Variants in ZNF256 observed in about 807,000 individuals in gnomAD.
ZNF256 encodes the protein zinc finger protein 256.
Under a neutral mutation model 7.9 loss-of-function variants are expected in ZNF256, and 4 were observed. That is an observed-to-expected ratio of 0.50 (90% CI 0.25 to 1.15). The LOEUF is 1.15. ZNF256 is among the 50% of genes most tolerant of loss of function. The pLI is 0.15. For missense variants in ZNF256, 666 were observed against 755.9 expected, an observed-to-expected ratio of 0.88 and a Z score of 1.39; for synonymous variants, 260 against 260.4, an observed-to-expected ratio of 1.00 and a Z score of 0.02.
intron 1 of ZNF256, among the ~76,000 whole-genome samples, chr19:57,944,635 T>C (rs2072754022): frequency 6.6e-6 from 1 of 152,050 alleles, no homozygotes; most frequent in Admixed American, 6.5e-5. Flanking sequence ...CCATCCTGGC[T>C]AACAGGGTGA....
chr19:57,941,299 G>A lies in ZNF256; in HGVS notation c.1509C>T (p.Ser503=). 6.2e-7 allele frequency: 1 copy of A among 1,612,990 alleles called. No homozygotes were observed. The change falls in exon 3 of 3, where the codon AGC becomes AGT. Residue 503 remains serine (S), a synonymous_variant. Transcript: ENST00000282308. ...CGECGKSFTH[S]STLLQHQRVH... ...CTCTCTGGTGTTGAAGGAGCGTAGA[G>A]CTATGAGTAAATGATTTCCCACACT...
Position 57,941,785 on chromosome 19 carries a change from G to T in ZNF256, c.1023C>A (p.His341Gln). ...SFSHSSSLIT[H>Q]QRIHTGMRPY... ...GCCTCATTCCAGTATGAATTCTCTG[G>T]TGTGTAATGAGGCTAGAGCTATGGC... is the stretch of plus-strand genomic sequence containing the variant. Residue 341 changes from histidine to glutamine, a missense_variant, in exon 3 of 3, where the codon CAC becomes CAA. Transcript: ENST00000282308. The T allele has an allele frequency of 1.2e-6, 2 of 1,613,956 alleles. No individual in the cohort carries two copies. Among genetic ancestry groups the T allele is most frequent in the Middle Eastern group, 1.6e-4 (1 of 6,062 alleles).
intron 1 of ZNF256, among the ~76,000 whole-genome samples, chr19:57,945,088 G>C (rs1311364591): frequency 6.6e-6 from 1 of 151,750 alleles, no homozygotes; most frequent in Admixed American, 6.6e-5. Flanking sequence ...GTAGAGAAGG[G>C]GTTTCACCGT....
At chr19:57,942,694 G>A in intron 2 of ZNF256, 47 bp from the exon 3 acceptor site, 1 of 1,580,458 alleles carries the variant, frequency 6.3e-7, no homozygotes, top group Non-Finnish European at 8.6e-7. Flanking sequence ...CTTTAGTGGA[G>A]TGGAGGTAGC....
Position 57,941,613 on chromosome 19 carries a change from T to A in ZNF256, c.1195A>T (p.Arg399Ter), listed in dbSNP as rs1480238800. 3 of 1,613,988 alleles carry A rather than the reference T, an allele frequency of 1.9e-6. No individual in the cohort carries two copies. Among genetic ancestry groups the A allele is most frequent in the Non-Finnish European group, 2.5e-6 (3 of 1,180,026 alleles). ...SQSCHLIKHR[R>*]LHIGEGPYEC... The stretch of plus-strand genomic sequence containing the variant: ...TAAGGCCCTTCTCCAATGTGAAGTC[T>A]CCGGTGTTTAATGAGGTGACAGCTC... The change falls in exon 3 of 3, where the codon AGA becomes TGA. Residue 399 changes from arginine to a stop codon, truncating the protein, a stop_gained. Transcript: ENST00000282308. LOFTEE classifies it low-confidence loss of function (END_TRUNC).
In ZNF256 at chr19:57,941,136, T is replaced by C. The variant is rs1163138537; in HGVS notation, c.1672A>G (p.Asn558Asp). 1 of 1,614,062 alleles carries C rather than the reference T, an allele frequency of 6.2e-7. No individual in the cohort carries two copies. The highest frequency in any genetic ancestry group is 1.1e-5 in the South Asian group (1 of 91,076). ...CGGTGTTTAACGAGGCTAGAGTGGT[T>C]ACTAAAGGATTTCCAACACTCACTG... ...ECSECWKSFS[N>D]HSSLVKHRRV... The change falls in exon 3 of 3, where the codon AAC (asparagine) becomes GAC (aspartate). Residue 558 changes from asparagine (N) to aspartate (D), a missense_variant. Physicochemically the swap from Asn to Asp is conservative, Grantham distance 23. Coordinates refer to ENST00000282308, the MANE Select transcript of ZNF256 (RefSeq NM_005773.3).
chr19:57,944,222 G>A (rs1290012976), intron 1 of ZNF256, among the ~76,000 whole-genome samples, 162 bp from the exon 2 acceptor site: 2 of 152,180 alleles, frequency 1.3e-5, no homozygotes, highest in Non-Finnish European at 2.9e-5. Flanking sequence ...CTCCTAATGG[G>A]GCTCTTGGTC....
In ZNF256 at chr19:57,941,214, A is replaced by T. The variant is rs774989147; in HGVS notation, c.1594T>A (p.Ser532Thr). The change falls in exon 3 of 3, where the codon TCC (serine) becomes ACC (threonine). Residue 532 changes from serine (S) to threonine (T), a missense_variant. By Grantham distance (58) the Ser-to-Thr change is moderately conservative. Transcript: ENST00000282308. ...CTTCTCCTATGTCTAATGAGGCTGG[A>T]GCTCTGGCTAAAAAACTTCCCACAT... ...NECGKFFSQS[S>T]SLIRHRRSHT... 6.2e-7 allele frequency: 1 copy of T among 1,613,752 alleles called. No individual in the cohort carries two copies.
At chr19:57,943,808 A>G (rs1439133186) in intron 2 of ZNF256, 126 bp downstream of exon 2, 1 of 1,293,632 alleles carries the variant, frequency 7.7e-7, no homozygotes, top group Admixed American at 2.3e-5. Flanking sequence ...AGCCCTACCA[A>G]CCGCAGCACC....
At chr19:57,946,793 C>T (rs77732125) in intron 1 of ZNF256, among the ~76,000 whole-genome samples, 2,678 of 152,332 alleles carry the variant, frequency 0.018, 74 homozygotes, top group African/African-American at 0.062. Context: ...TTGCTTCCCA[C>T]CAGAAAGCAA....
rs368182566 is a variant in ZNF256 at position 57,947,291 on chromosome 19, C to T, written c.33+151G>A. On this transcript the variant is annotated intron_variant, in intron 1 of 2. Coordinates refer to ENST00000282308, the MANE Select transcript of ZNF256 (RefSeq NM_005773.3). ...GGGGCTCCTTGCCAGTCGCGCCCTC[C>T]CTTCCCTAGCACACCAGGTGTTGGA... is the stretch of plus-strand genomic sequence containing the variant. The T allele has an allele frequency of 5.6e-5, 45 of 801,904 alleles. No homozygotes were observed. In the African/African-American group the frequency reaches 6.9e-4, roughly 12 times the overall value. The allele number at this position is 801,904 out of a possible 1,614,324, so 49.7% of individuals were successfully genotyped here. A position where few individuals can be genotyped will look rare whatever the true frequency, so the allele number is the denominator to read the frequency against.
chr19:57,947,372 G>A (rs919710276), intron 1 of ZNF256, 70 bp downstream of exon 1: 117 of 1,230,428 alleles, frequency 9.5e-5, no homozygotes, highest in Non-Finnish European at 1.2e-4. Context: ...AGGGCCGCGA[G>A]CAAGCGCCCT....
rs538310887 is a variant in ZNF256 at position 57,946,901 on chromosome 19, A to T, written c.33+541T>A. Reference sequence around the variant, plus strand: ...GGAAAAACTTTCCACACCCGTTCACATGGCTGCCAGAAATTGGAACAACTC... The same window carrying T: ...GGAAAAACTTTCCACACCCGTTCACTTGGCTGCCAGAAATTGGAACAACTC... On this transcript the variant is annotated intron_variant, in intron 1 of 2. Transcript: ENST00000282308. Among the ~76,000 whole-genome samples the T allele has an allele frequency of 6.6e-5, 10 of 152,274 alleles. No homozygotes were observed. The East Asian group carries it at 9.7e-4, about 15-fold the overall frequency.
At chr19:57,943,162 C>A (rs1431278749) in intron 2 of ZNF256, among the ~76,000 whole-genome samples, 1 of 152,178 alleles carries the variant, frequency 6.6e-6, no homozygotes, top group African/African-American at 2.4e-5. Flanking sequence ...ACCAGGTGGA[C>A]AGCTGACAAG....
Position 57,940,891 on chromosome 19 carries a change from G to C in ZNF256, c.*33C>G, listed in dbSNP as rs760214916. On this transcript the variant is annotated 3_prime_UTR_variant, in exon 3 of 3. Coordinates refer to ENST00000282308, the MANE Select transcript of ZNF256 (RefSeq NM_005773.3). Reference sequence around the variant, plus strand: ...GTGAATTTTGCAGGGACACTTCTCAGTCCGTAACAGCCCTATGTGTGTTAC... The same window carrying C: ...GTGAATTTTGCAGGGACACTTCTCACTCCGTAACAGCCCTATGTGTGTTAC... The C allele has an allele frequency of 6.3e-7, 1 of 1,575,722 alleles. No homozygotes were observed. Among genetic ancestry groups the C allele is most frequent in the Non-Finnish European group, 8.6e-7 (1 of 1,157,056 alleles).
In ZNF256 at chr19:57,942,632, C is replaced by A; in HGVS notation, c.176G>T (p.Gly59Val). Residue 59 changes from glycine (G) to valine (V), a missense_variant, in exon 3 of 3, where the codon GGG (glycine) becomes GTG (valine). Gly to Val is a moderately radical substitution (Grantham distance 109). Coordinates refer to ENST00000282308, the MANE Select transcript of ZNF256 (RefSeq NM_005773.3). ...CTGCTGATAAGGTGCCTCCTCATCC[C>A]CTGCTCCAGAACCACCTGAAAGAAA... ...LTTSLGGSGAGDEEAPYQQST... is the reference protein window; with the variant it reads ...LTTSLGGSGAVDEEAPYQQST... The A allele has an allele frequency of 6.2e-7, 1 of 1,613,376 alleles. No individual in the cohort carries two copies. The highest frequency in any genetic ancestry group is 8.5e-7 in the Non-Finnish European group (1 of 1,179,420).
Position 57,942,473 on chromosome 19 carries a change from T to A in ZNF256, c.335A>T (p.His112Leu), listed in dbSNP as rs760989426. 1.2e-6 allele frequency: 2 copies of A among 1,614,180 alleles called. No individual in the cohort carries two copies. Among genetic ancestry groups the A allele is most frequent in the South Asian group, 2.2e-5 (2 of 91,084 alleles). Residue 112 changes from histidine to leucine, a missense_variant, in exon 3 of 3, where the codon CAC becomes CTC. His to Leu is a moderately conservative substitution (Grantham distance 99). Transcript: ENST00000282308. ...ILHLVEHQGT[H>L]HGQKLYTDGA... ...GTCTGTATACAGTTTCTGACCATGG[T>A]GTGTTCCTTGGTGTTCAACCAAGTG...
chr19:57,942,763 G>A, intron 2 of ZNF256, 116 bp from the exon 3 acceptor site: 2 of 1,281,402 alleles, frequency 1.6e-6, no homozygotes, highest in Non-Finnish European at 2.2e-6. Context: ...TTGTTTTCAG[G>A]ACCAAGGTGT....
intron 1 of ZNF256, among the ~76,000 whole-genome samples, chr19:57,946,198 T>C (rs1238940611): frequency 1.3e-5 from 2 of 152,340 alleles, no homozygotes; most frequent in African/African-American, 2.4e-5. Flanking sequence ...CCCGCCTAAC[T>C]GTGACCCACA....
Sources: gnomAD v4.1 joint callset for allele counts (sites outside exome capture counted in the v4.1 genomes callset) on GRCh38, gnomAD v4.1.1 for gene constraint, MANE v1.5 for transcripts, NCBI Gene and HGNC (gene_info 2026-07-23, HGNC 2026-07-21) for gene names.